Variants in SH2D4A observed in about 807,000 individuals in gnomAD.
The protein encoded by SH2D4A is SH2 domain containing 4A.
In SH2D4A, 70 loss-of-function variants were observed where a neutral mutation model predicts 64.7. The observed-to-expected ratio is 1.08, with a 90% CI of 0.89 to 1.32. The LOEUF (loss-of-function observed/expected upper bound fraction) is 1.32. SH2D4A is among the 40% of genes most tolerant of loss of function. The pLI, the probability that SH2D4A is intolerant of heterozygous loss-of-function variation, is 0.00. For synonymous variants in SH2D4A, 268 were observed against 200.7 expected, an observed-to-expected ratio of 1.34 and a Z score of -2.83; for missense variants, 706 against 540.1, an observed-to-expected ratio of 1.31 and a Z score of -3.04.
chr8:19,340,472 G>A (rs753509335), intron 4 of SH2D4A, among the ~76,000 whole-genome samples: 3 of 152,110 alleles, frequency 2.0e-5, no homozygotes, highest in Non-Finnish European at 2.9e-5. Context: ...ATGGACAGGC[G>A]TGTCTGGAGA....
intron 8 of SH2D4A, among the ~76,000 whole-genome samples, chr8:19,380,882 G>C (rs1455579459): frequency 6.6e-6 from 1 of 151,972 alleles, no homozygotes; most frequent in Non-Finnish European, 1.5e-5. Flanking sequence ...ATGAATTTTT[G>C]GATGGGTTTT....
chr8:19,373,444 G>GTATATA lies in SH2D4A; in HGVS notation c.918-70_918-65dup, dbSNP rs10692584. On this transcript the variant is annotated intron_variant, in intron 7 of 9. Transcript: ENST00000265807. ...TATGCATGTATATGTATGTGTGTGT[G>GTATATA]TATATATATATATATATATATGACT... 2.4e-3 allele frequency: 1,423 copies of GTATATA among 600,788 alleles called. 6 individuals carry two copies. Among genetic ancestry groups the GTATATA allele is most frequent in the African/African-American group, 0.012 (566 of 46,210 alleles). 37.2% of individuals were successfully genotyped at this position (600,788 alleles called of 1,614,324 possible). A position where few individuals can be genotyped will look rare whatever the true frequency, so the allele number is the denominator to read the frequency against.
chr8:19,359,827 T>TA (rs1015328403), intron 5 of SH2D4A, among the ~76,000 whole-genome samples: 1 of 150,818 alleles, frequency 6.6e-6, no homozygotes, highest in Admixed American at 6.6e-5. Flanking sequence ...TTCACAATAT[T>TA]AATGTTTATA....
chr8:19,387,687 C>A (rs1397382224), intron 8 of SH2D4A, among the ~76,000 whole-genome samples: 2 of 152,214 alleles, frequency 1.3e-5, no homozygotes, highest in African/African-American at 4.8e-5. Context: ...CCTGGGGCCA[C>A]AGTGCCTGGC....
At chr8:19,392,318 T>A (rs754835746) in intron 8 of SH2D4A, among the ~76,000 whole-genome samples, 1 of 152,116 alleles carries the variant, frequency 6.6e-6, no homozygotes, top group Non-Finnish European at 1.5e-5. Flanking sequence ...TAGAACTGAG[T>A]CTGACTTGGC....
intron 3 of SH2D4A, among the ~76,000 whole-genome samples, chr8:19,333,506 AG>A (rs1472913766): frequency 6.6e-6 from 1 of 152,154 alleles, no homozygotes; most frequent in Non-Finnish European, 1.5e-5. Context: ...GCTGAGTATC[AG>A]GAACATATGT....
intron 2 of SH2D4A, among the ~76,000 whole-genome samples, chr8:19,330,063 A>G (rs192936127): frequency 5.8e-4 from 89 of 152,292 alleles, no homozygotes; most frequent in African/African-American, 2.1e-3. Context: ...GGGAATGGGC[A>G]CATCTCTTTC....
chr8:19,319,246 A>T (rs556489201), intron 1 of SH2D4A, 98 bp from the exon 2 acceptor site: 1 of 901,344 alleles, frequency 1.1e-6, no homozygotes, highest in African/African-American at 1.8e-5. Flanking sequence ...CTGAAAAGTG[A>T]TACTGTGTTT....
chr8:19,338,298 G>C (rs1419181364), intron 4 of SH2D4A, among the ~76,000 whole-genome samples: 1 of 152,104 alleles, frequency 6.6e-6, no homozygotes, highest in African/African-American at 2.4e-5. Flanking sequence ...TTTAGCTCTT[G>C]AGTTTCTCCC....
chr8:19,341,280 C>T (rs965186509), intron 4 of SH2D4A, among the ~76,000 whole-genome samples: 19 of 152,220 alleles, frequency 1.2e-4, no homozygotes, highest in African/African-American at 3.1e-4. Flanking sequence ...TCTGAATTTC[C>T]GCTACAGTTT....
At position 19,342,295 on chromosome 8, in the gene SH2D4A, T is replaced by C. The variant is rs140482924; in HGVS notation, c.513+7438T>C. Reference sequence around the variant, plus strand: ...CATGTAGTCAGAGTCCTCTTTGAGCTTATGTAGAACTTGGGGTAAATCCTA... The same window carrying C: ...CATGTAGTCAGAGTCCTCTTTGAGCCTATGTAGAACTTGGGGTAAATCCTA... On this transcript the variant is annotated intron_variant, in intron 4 of 9. Transcript: ENST00000265807. 3.9e-4 allele frequency among the ~76,000 whole-genome samples: 59 copies of C among 152,372 alleles called. No homozygotes were observed. The East Asian group carries it at 0.011, about 29-fold the overall frequency.
chr8:19,331,108 A>T (rs143997885), intron 2 of SH2D4A, among the ~76,000 whole-genome samples: 1 of 152,198 alleles, frequency 6.6e-6, no homozygotes, highest in South Asian at 2.1e-4. Context: ...TGTTTAGAAC[A>T]TACTGCAGGA....
chr8:19,393,355 G>A lies in SH2D4A; in HGVS notation c.1086G>A (p.Leu362=), dbSNP rs766699930. 13 of 1,613,886 alleles carry A rather than the reference G, an allele frequency of 8.1e-6. 1 individual carries two copies. The highest frequency in any genetic ancestry group is 1.7e-6 in the Non-Finnish European group (2 of 1,179,946). The stretch of plus-strand genomic sequence containing the variant: ...TCAAGAAAGCAAATGAACTTCTTCT[G>A]AGCACAGGCATGCCCGGCAGTTTTC... ...LTLKKANELL[L]STGMPGSFLI... is the part of the protein sequence containing the mutation. Residue 362 remains leucine (L), a synonymous_variant, in exon 9 of 10, where the codon CTG becomes CTA. Transcript: ENST00000265807.
intron 7 of SH2D4A, among the ~76,000 whole-genome samples, chr8:19,366,257 T>TA (rs1392639880): frequency 6.6e-6 from 1 of 152,218 alleles, no homozygotes; most frequent in Non-Finnish European, 1.5e-5. Flanking sequence ...CAAATCAGTA[T>TA]AACTCACATA....
In SH2D4A at chr8:19,334,705, T is replaced by G; in HGVS notation, c.361T>G (p.Phe121Val). 6.2e-7 allele frequency: 1 copy of G among 1,603,398 alleles called. No individual in the cohort carries two copies. The change falls in exon 4 of 10, where the codon TTC (phenylalanine) becomes GTC (valine). Residue 121 changes from phenylalanine to valine, a missense_variant. Transcript: ENST00000265807. ...EEPRKTHSEEFTNSLKTKSQY... is the reference protein window; with the variant it reads ...EEPRKTHSEEVTNSLKTKSQY... ...CTTCAGAAAAACTCACTCTGAAGAATTCACCAATAGCTTGAAAACAAAATC... is the reference window on the plus strand; with the variant it reads ...CTTCAGAAAAACTCACTCTGAAGAAGTCACCAATAGCTTGAAAACAAAATC...
chr8:19,339,169 A>G (rs757693675), intron 4 of SH2D4A, among the ~76,000 whole-genome samples: 4 of 152,210 alleles, frequency 2.6e-5, no homozygotes, highest in African/African-American at 7.2e-5. Flanking sequence ...AGCACAGGAG[A>G]AAGATGGAGG....
At chr8:19,386,489 G>A (rs1162206051) in intron 8 of SH2D4A, among the ~76,000 whole-genome samples, 1 of 152,286 alleles carries the variant, frequency 6.6e-6, no homozygotes. Context: ...ATGCACTTGA[G>A]TCCTCATCCT....
chr8:19,315,198 C>T (rs907995235), intron 1 of SH2D4A, among the ~76,000 whole-genome samples: 1 of 152,092 alleles, frequency 6.6e-6, no homozygotes, highest in Non-Finnish European at 1.5e-5. Flanking sequence ...TGCAGTGGTG[C>T]GATCTCGGCT....
chr8:19,350,544 G>A (rs1007175484), intron 4 of SH2D4A, among the ~76,000 whole-genome samples: 1 of 152,158 alleles, frequency 6.6e-6, no homozygotes, highest in Non-Finnish European at 1.5e-5. Flanking sequence ...ATGCAGTGGT[G>A]AGATCCTGGC....
Sources: gnomAD v4.1 joint callset for allele counts (sites outside exome capture counted in the v4.1 genomes callset) on GRCh38, gnomAD v4.1.1 for gene constraint, MANE v1.5 for transcripts, NCBI Gene and HGNC (gene_info 2026-07-23, HGNC 2026-07-21) for gene names.